The following MCF2L variants were observed in gnomAD, a reference collection of about 807,000 sequenced individuals.
MCF2L encodes the protein MCF.2 cell line derived transforming sequence like.
In MCF2L, 97 loss-of-function variants were observed where a neutral mutation model predicts 153.4. The observed-to-expected ratio is 0.63, with a 90% CI of 0.54 to 0.75. The LOEUF (loss-of-function observed/expected upper bound fraction) is 0.75, where lower values mean the gene tolerates loss of function less well. MCF2L is among the 30% of genes least tolerant of loss of function. The probability of loss-of-function intolerance (pLI) is 0.00; values close to 1 mark genes in which losing one functional copy is unlikely to be tolerated. For synonymous variants in MCF2L, 659 were observed against 632.2 expected (o/e 1.04, Z -0.64); for missense variants, 1,347 against 1,495.2 (o/e 0.90, Z 1.64).
At position 113,026,113 on chromosome 13, in the gene MCF2L, T is replaced by C. The variant is rs3011514; in HGVS notation, c.278+1355T>C. The stretch of plus-strand genomic sequence containing the variant: ...GTCGGGGCAGAGTCTCTGTGAGGTT[T>C]CATCATGGTGGGGTCCCCGTGACTG... On this transcript the variant is annotated intron_variant, in intron 3 of 29. Coordinates refer to ENST00000535094, the MANE Select transcript of MCF2L (RefSeq NM_001112732.3). Among the ~76,000 whole-genome samples the C allele has an allele frequency of 1.5e-3, 76 of 52,106 alleles. 1 individual carries two copies. Among genetic ancestry groups the C allele is most frequent in the South Asian group, 1.8e-3 (2 of 1,130 alleles). 34.2% of individuals were successfully genotyped at this position (52,106 alleles called of 152,430 possible).
chr13:113,070,305 G>A lies in MCF2L; in HGVS notation c.996+132G>A, dbSNP rs974054772. The A allele has an allele frequency of 1.3e-5, 7 of 535,282 alleles. No homozygotes were observed. Among genetic ancestry groups the A allele is most frequent in the Admixed American group, 4.2e-5 (1 of 23,902 alleles). The allele number at this position is 535,282 out of a possible 1,614,324, so 33.2% of individuals were successfully genotyped here. ...TTTGGCTTAATGCAGAAAAGTCTCC[G>A]CTTGCCAGGTGGAGCCTGTGAGATT... On this transcript the variant is annotated intron_variant, in intron 9 of 29. Transcript: ENST00000535094. The surrounding 1 kb of genome is among the most constrained non-coding windows in gnomAD (Gnocchi z 5.6).
chr13:112,917,834 C>G (rs61961621), intron 2 of MCF2L, among the ~76,000 whole-genome samples: 13,588 of 152,236 alleles, frequency 0.089, 748 homozygotes, highest in Middle Eastern at 0.18. Context: ...TGAAGACTTA[C>G]AAGAAAGCTG....
chr13:112,956,344 T>C (rs1484279866), intron 2 of MCF2L: 1 of 152,234 alleles, frequency 6.6e-6, no homozygotes, highest in African/African-American at 2.4e-5. Context: ...ACCCAGATCA[T>C]CTTTTTAGAG....
At chr13:113,038,012 G>A (rs2086252091) in intron 3 of MCF2L, among the ~76,000 whole-genome samples, 2 of 152,088 alleles carry the variant, frequency 1.3e-5, no homozygotes, top group Non-Finnish European at 2.9e-5. Context: ...AAACTTAATT[G>A]TATTTTAGTA....
At chr13:113,051,116 C>T (rs1472005706) in intron 4 of MCF2L, among the ~76,000 whole-genome samples, 1 of 152,178 alleles carries the variant, frequency 6.6e-6, no homozygotes, top group African/African-American at 2.4e-5. Context: ...TGAGCACAGT[C>T]CCCCCGTGGT....
rs751960337 is a variant in MCF2L at position 113,074,461 on chromosome 13, C to A, written c.1014C>A (p.Asp338Glu). The A allele has an allele frequency of 6.2e-7, 1 of 1,613,828 alleles. No homozygotes were observed. Among genetic ancestry groups the A allele is most frequent in the South Asian group, 1.1e-5 (1 of 91,084 alleles). Residue 338 changes from aspartate to glutamate, a missense_variant, in exon 10 of 30, where the codon GAC (aspartate) becomes GAA (glutamate). Physicochemically the swap from Asp to Glu is conservative, Grantham distance 45. This residue lies in a region of MCF2L where 820 missense variants were observed against 921.2 expected (regional missense o/e 0.89). Transcript: ENST00000535094. This position sits in a 1 kb window ranked among gnomAD's most constrained non-coding sequence, Gnocchi z 4.2. The part of the protein sequence containing the change: ...QGFREVKAIL[D>E]AASQKIATFT... ...TGTTCCAGGTCAAAGCCATCTTGGA[C>A]GCAGCGTCCCAGAAGATAGCAACCT...
At chr13:113,094,788 A>G in intron 27 of MCF2L, 153 bp downstream of exon 27, 2 of 1,068,524 alleles carry the variant, frequency 1.9e-6, no homozygotes, top group Non-Finnish European at 2.7e-6. Context: ...TCTTACGGGC[A>G]GTGCCAGCTC....
chr13:112,907,168 C>T lies in MCF2L; in HGVS notation c.169+4797C>T, dbSNP rs113546167. 2.6e-5 allele frequency among the ~76,000 whole-genome samples: 4 copies of T among 152,066 alleles called. No individual in the cohort carries two copies. The highest frequency in any genetic ancestry group is 1.9e-4 in the East Asian group (1 of 5,172). The stretch of plus-strand genomic sequence containing the variant: ...GGGACCTTGTCTCCACCTGGGGGCA[C>T]GCGGGAGGGTTGGGAAGCACTTCGG... On this transcript the variant is annotated intron_variant, in intron 2 of 29. Coordinates refer to the MCF2L transcript ENST00000375608. This position sits in a 1 kb window ranked among gnomAD's most constrained non-coding sequence, Gnocchi z 5.1.
At chr13:113,061,535 G>C (rs2031404035) in intron 5 of MCF2L, among the ~76,000 whole-genome samples, 1 of 152,100 alleles carries the variant, frequency 6.6e-6, no homozygotes, top group Non-Finnish European at 1.5e-5. Context: ...GTCGCTCACT[G>C]TGAAGCTACT....
At position 112,953,432 on chromosome 13, in the gene MCF2L, A is replaced by G. The variant is rs536450986; in HGVS notation, c.169+51061A>G. ...AGGTGGTCACTGGTGCTGAATTGAT[A>G]TGGTGTCCGCTCCCCTCTCAAAAAC... On this transcript the variant is annotated intron_variant, in intron 2 of 29. Transcript: ENST00000375608. 9.2e-5 allele frequency among the ~76,000 whole-genome samples: 14 copies of G among 152,234 alleles called. No individual in the cohort carries two copies. In the South Asian group the frequency reaches 1.2e-3, roughly 14 times the overall value.
intron 1 of MCF2L, chr13:113,001,613 C>T: frequency 8.7e-7 from 1 of 1,149,308 alleles, no homozygotes. Context: ...CAAGCAACAC[C>T]AGGAACCTGA....
chr13:113,029,030 ACC>A (rs2085483941), intron 3 of MCF2L, among the ~76,000 whole-genome samples: 1 of 151,968 alleles, frequency 6.6e-6, no homozygotes, highest in Admixed American at 6.6e-5. Flanking sequence ...CGTGCATTCT[ACC>A]CACGTTTCCT....
chr13:113,018,880 G>C (rs888005476), intron 2 of MCF2L, among the ~76,000 whole-genome samples: 1 of 152,192 alleles, frequency 6.6e-6, no homozygotes, highest in African/African-American at 2.4e-5. Flanking sequence ...TGGGAATTTC[G>C]TTTTGCTTTT....
At chr13:113,005,854 C>A (rs1460671621) in intron 1 of MCF2L, among the ~76,000 whole-genome samples, 1 of 152,180 alleles carries the variant, frequency 6.6e-6, no homozygotes, top group Non-Finnish European at 1.5e-5. Flanking sequence ...TAAATACATA[C>A]AATTATTTTT....
intron 1 of MCF2L, among the ~76,000 whole-genome samples, chr13:113,000,506 A>G (rs138090461): frequency 1.3e-5 from 2 of 152,302 alleles, no homozygotes; most frequent in East Asian, 3.9e-4. Flanking sequence ...CCCAGGAGGA[A>G]GAGTGAGCTT....
At chr13:112,930,727 A>C (rs1402711204) in intron 2 of MCF2L, among the ~76,000 whole-genome samples, 2 of 152,208 alleles carry the variant, frequency 1.3e-5, no homozygotes, top group African/African-American at 2.4e-5. Flanking sequence ...ACTTGAGGTC[A>C]GGAGTTCGAG....
intron 25 of MCF2L, 82 bp from the exon 26 acceptor site, chr13:113,089,528 G>C: frequency 1.1e-6 from 1 of 872,724 alleles, no homozygotes; most frequent in South Asian, 1.5e-5. Context: ...AGAGATATCT[G>C]AATGCCTCAG....
At chr13:112,967,409 G>C (rs1294255188), upstream of MCF2L, 1 of 152,162 alleles carries the variant, frequency 6.6e-6, no homozygotes, top group African/African-American at 2.4e-5. Flanking sequence ...TCTCCAAAGA[G>C]ATTCTGTAGA....
At chr13:113,093,256 C>T (rs888195916) in intron 26 of MCF2L, among the ~76,000 whole-genome samples, 3 of 152,242 alleles carry the variant, frequency 2.0e-5, no homozygotes, top group African/African-American at 7.2e-5. Context: ...AGCTGCAGGT[C>T]TGCAACCGGA....
Sources: allele counts gnomAD v4.1 joint callset (sites outside exome capture counted in the v4.1 genomes callset), GRCh38; gene constraint gnomAD v4.1.1; regional missense constraint gnomAD v4.1.1; non-coding constraint Gnocchi (gnomAD v3.1); transcripts MANE v1.5; gene names NCBI Gene and HGNC (gene_info 2026-07-23, HGNC 2026-07-21).